Variants in SORBS2 observed in about 807,000 individuals in gnomAD.
SORBS2 encodes the protein sorbin and SH3 domain-containing protein 2.
Under a neutral mutation model 97.7 loss-of-function variants are expected in SORBS2, and 46 were observed. The observed-to-expected ratio is 0.47, with a 90% CI of 0.37 to 0.60. The LOEUF is 0.60. Ranked by LOEUF, SORBS2 falls within the 20% of genes least tolerant of loss-of-function variation. The pLI, the probability that SORBS2 is intolerant of heterozygous loss-of-function variation, is 0.00. For missense variants in SORBS2, 1,316 were observed against 1,282.3 expected (o/e 1.03, Z -0.40); for synonymous variants, 476 against 473.4 (o/e 1.01, Z -0.07).
chr4:185,765,888 A>G (rs559009219), intron 2 of SORBS2, among the ~76,000 whole-genome samples: 70 of 152,156 alleles, frequency 4.6e-4, no homozygotes, highest in Non-Finnish European at 9.3e-4. Flanking sequence ...CTTCTATTAT[A>G]TCAATACAAA....
intron 5 of SORBS2, among the ~76,000 whole-genome samples, chr4:185,628,758 T>C (rs2096859043): frequency 6.6e-6 from 1 of 152,194 alleles, no homozygotes; most frequent in African/African-American, 2.4e-5. Context: ...CATCAGTCAG[T>C]CAATCAATCA....
At chr4:185,785,496 C>T (rs1270715243) in intron 1 of SORBS2, among the ~76,000 whole-genome samples, 3 of 152,150 alleles carry the variant, frequency 2.0e-5, no homozygotes, top group Admixed American at 6.5e-5. Context: ...TCTTTCTAGT[C>T]ACATGTGCCA....
intron 1 of SORBS2, among the ~76,000 whole-genome samples, chr4:185,856,714 T>C (rs2099220716): frequency 6.6e-6 from 1 of 152,202 alleles, no homozygotes. Context: ...TAGTTCATTC[T>C]CAGGTTGCTA....
chr4:185,789,912 A>G (rs913378817), intron 1 of SORBS2, among the ~76,000 whole-genome samples: 3 of 152,180 alleles, frequency 2.0e-5, no homozygotes, highest in African/African-American at 7.2e-5. Flanking sequence ...CTTCCTACCT[A>G]TATAAATACT....
chr4:185,784,230 C>T (rs992392505), intron 1 of SORBS2, among the ~76,000 whole-genome samples: 1 of 152,136 alleles, frequency 6.6e-6, no homozygotes, highest in African/African-American at 2.4e-5. Flanking sequence ...CTCCCGGGTT[C>T]ACACCATTCT....
intron 1 of SORBS2, among the ~76,000 whole-genome samples, chr4:185,906,130 T>G (rs753937338): frequency 1.4e-4 from 22 of 152,096 alleles, no homozygotes; most frequent in Non-Finnish European, 3.1e-4. Context: ...GCCTCCTGGG[T>G]TCAAGTGATT....
chr4:185,797,166 T>G (rs2099108636), intron 1 of SORBS2, among the ~76,000 whole-genome samples: 1 of 152,198 alleles, frequency 6.6e-6, no homozygotes, highest in Non-Finnish European at 1.5e-5. Flanking sequence ...TAGAGCTGTC[T>G]GTGCCGAAGA....
chr4:185,757,824 G>A (rs1407704685), intron 2 of SORBS2, among the ~76,000 whole-genome samples: 1 of 152,210 alleles, frequency 6.6e-6, no homozygotes, highest in Non-Finnish European at 1.5e-5. Flanking sequence ...CAACTGGATG[G>A]AGAAGATCAG....
At chr4:185,677,211 G>A in intron 4 of SORBS2, 1 of 1,551,682 alleles carries the variant, frequency 6.4e-7, no homozygotes, top group Non-Finnish European at 8.7e-7. Flanking sequence ...TTTGAGAAAT[G>A]ACGGTACTTC....
chr4:185,903,733 A>G (rs1035087530), intron 1 of SORBS2, among the ~76,000 whole-genome samples: 1 of 152,146 alleles, frequency 6.6e-6, no homozygotes, highest in Non-Finnish European at 1.5e-5. Context: ...AGCTGTAAGG[A>G]CCCTGTGATG....
intron 1 of SORBS2, among the ~76,000 whole-genome samples, chr4:185,892,619 C>A (rs1016803512): frequency 6.6e-6 from 1 of 152,176 alleles, no homozygotes; most frequent in African/African-American, 2.4e-5. Context: ...GCACATGTCG[C>A]AACATGGATG....
At chr4:185,885,499 C>T (rs2099238937) in intron 1 of SORBS2, among the ~76,000 whole-genome samples, 1 of 152,228 alleles carries the variant, frequency 6.6e-6, no homozygotes, top group Non-Finnish European at 1.5e-5. Context: ...ACTCCATTCA[C>T]TTTTTGAGGT....
At chr4:185,799,181 G>A (rs191340077) in intron 1 of SORBS2, among the ~76,000 whole-genome samples, 50 of 152,272 alleles carry the variant, frequency 3.3e-4, no homozygotes, top group Admixed American at 2.9e-3. Flanking sequence ...GAATTGGTAA[G>A]CAGAAGCTCT....
rs199660549 is a variant in SORBS2 at position 185,626,817 on chromosome 4, A to G, written c.634+15T>C. 22 of 1,613,614 alleles carry G rather than the reference A, an allele frequency of 1.4e-5. No homozygotes were observed. The highest frequency in any genetic ancestry group is 2.2e-5 in the East Asian group (1 of 44,884). Reference sequence around the variant, plus strand: ...TAAACTAGTAAATTGTTGTGTTTTCATTTACTATGCTCACCTTTTGCTCTT... The same window carrying G: ...TAAACTAGTAAATTGTTGTGTTTTCGTTTACTATGCTCACCTTTTGCTCTT... On this transcript the variant is annotated intron_variant, in intron 6 of 14. Coordinates refer to ENST00000418609, the Ensembl canonical transcript of SORBS2.
intron 1 of SORBS2, among the ~76,000 whole-genome samples, chr4:185,805,638 A>T (rs10013461): frequency 0.06 from 9,075 of 152,208 alleles, 439 homozygotes; most frequent in African/African-American, 0.13. Flanking sequence ...GGTCCATCCA[A>T]CAACACCGGT....
intron 4 of SORBS2, among the ~76,000 whole-genome samples, chr4:185,673,855 A>G (rs2153491868): frequency 6.6e-6 from 1 of 152,348 alleles, no homozygotes; most frequent in East Asian, 1.9e-4. Flanking sequence ...TCTCATCAAC[A>G]GCATTTGTGC....
intron 2 of SORBS2, among the ~76,000 whole-genome samples, chr4:185,748,027 C>T (rs770178121): frequency 6.6e-6 from 1 of 152,016 alleles, no homozygotes; most frequent in Non-Finnish European, 1.5e-5. Flanking sequence ...TCCACAGATG[C>T]TCACATTTCT....
At position 185,873,986 on chromosome 4, in the gene SORBS2, T is replaced by C. The variant is rs528247145; in HGVS notation, c.-338+82210A>G. Among the ~76,000 whole-genome samples, 512 of 152,306 alleles carry C rather than the reference T, an allele frequency of 3.4e-3. 5 individuals carry two copies. Among genetic ancestry groups the C allele is most frequent in the African/African-American group, 0.012 (480 of 41,574 alleles). On this transcript the variant is annotated intron_variant, in intron 1 of 20. Coordinates refer to the SORBS2 transcript ENST00000284776. The stretch of plus-strand genomic sequence containing the variant: ...CATTAATTTTAATATTAAAATAGTA[T>C]GTTAACTTTCATCAGTAACTGAAGA...
chr4:185,785,106 G>A (rs889550435), intron 1 of SORBS2, among the ~76,000 whole-genome samples: 2 of 151,894 alleles, frequency 1.3e-5, no homozygotes, highest in Non-Finnish European at 2.9e-5. Flanking sequence ...GGGTTGCTTC[G>A]ATGGAGTTTA....
Sources: gnomAD v4.1 joint callset for allele counts (sites outside exome capture counted in the v4.1 genomes callset) on GRCh38, gnomAD v4.1.1 for gene constraint, MANE v1.5 for transcripts, NCBI Gene and HGNC (gene_info 2026-07-23, HGNC 2026-07-21) for gene names.